Variants in GRID2 observed in about 807,000 individuals in gnomAD.
The protein encoded by GRID2 is glutamate receptor ionotropic, delta-2.
Under a neutral mutation model 114.8 loss-of-function variants are expected in GRID2, and 33 were observed. That is an observed-to-expected ratio of 0.29 (90% CI 0.22 to 0.38). The LOEUF (loss-of-function observed/expected upper bound fraction) is 0.38, where lower values mean the gene tolerates loss of function less well. Ranked by LOEUF, GRID2 falls within the 10% of genes least tolerant of loss-of-function variation. The pLI is 1.00. For missense variants in GRID2, 1,184 were observed against 1,257.7 expected, an observed-to-expected ratio of 0.94 and a Z score of 0.89; for synonymous variants, 505 against 449.9, an observed-to-expected ratio of 1.12 and a Z score of -1.55.
Position 93,598,263 on chromosome 4 carries a change from G to A in GRID2, c.2194-28006G>A, listed in dbSNP as rs1024344407. Among the ~76,000 whole-genome samples, 3 of 152,192 alleles carry A rather than the reference G, an allele frequency of 2.0e-5. 1 individual carries two copies. The highest frequency in any genetic ancestry group is 3.9e-4 in the East Asian group (2 of 5,180). ...ATTGTTATAGCTTCCATTCCACATA[G>A]GCAATCTTACAACTTCATAAAATTA... is the stretch of plus-strand genomic sequence containing the variant. On this transcript the variant is annotated intron_variant, in intron 13 of 15. Transcript: ENST00000282020.
At chr4:92,436,985 T>C (rs1732765463) in intron 1 of GRID2, among the ~76,000 whole-genome samples, 1 of 152,168 alleles carries the variant, frequency 6.6e-6, no homozygotes, top group Admixed American at 6.5e-5. Context: ...TAGCTGTAGA[T>C]TTGGCTATAA....
intron 4 of GRID2, among the ~76,000 whole-genome samples, chr4:93,137,551 A>C (rs1304662981): frequency 1.3e-5 from 2 of 152,178 alleles, no homozygotes; most frequent in Admixed American, 1.3e-4. Flanking sequence ...GTAAACAGAA[A>C]GAGGATTTCA....
At chr4:92,704,241 G>A (rs1269739604) in intron 2 of GRID2, among the ~76,000 whole-genome samples, 1 of 152,172 alleles carries the variant, frequency 6.6e-6, no homozygotes, top group Non-Finnish European at 1.5e-5. Flanking sequence ...TCGCGCCACT[G>A]CACTCCAGCC....
intron 13 of GRID2, 88 bp from the exon 14 acceptor site, chr4:93,626,181 A>G (rs1578428392): frequency 3.0e-6 from 2 of 657,422 alleles, no homozygotes; most frequent in East Asian, 5.4e-5. Context: ...TTAAATATAT[A>G]CCAATGTAAT....
At chr4:93,579,803 T>C (rs1560774103) in intron 13 of GRID2, among the ~76,000 whole-genome samples, 1 of 152,136 alleles carries the variant, frequency 6.6e-6, no homozygotes, top group Non-Finnish European at 1.5e-5. Context: ...AAGGTTTGCT[T>C]AACATTCCTC....
intron 8 of GRID2, among the ~76,000 whole-genome samples, chr4:93,285,722 T>C (rs1229825135): frequency 6.6e-6 from 1 of 152,070 alleles, no homozygotes; most frequent in African/African-American, 2.4e-5. Flanking sequence ...TTTCAAATGC[T>C]AAAATATGAA....
intron 4 of GRID2, among the ~76,000 whole-genome samples, chr4:93,198,093 G>A (rs746207001): frequency 3.1e-4 from 47 of 151,840 alleles, no homozygotes; most frequent in Admixed American, 1.6e-3. Flanking sequence ...TCTTATTTCC[G>A]CAAGCAACAT....
chr4:93,207,409 G>C lies in GRID2; in HGVS notation c.741G>C (p.Val247=). 1 of 1,597,712 alleles carries C rather than the reference G, an allele frequency of 6.3e-7. No individual in the cohort carries two copies. Residue 247 remains valine, a synonymous_variant, in exon 5 of 16, where the codon GTG becomes GTC. Transcript: ENST00000282020. ...TGATTTGTTTTCTATTCTAGGTTGT[G>C]GAGACTAATTTGGTTGCTTTTGACT... The part of the protein sequence containing the change: ...ATAKSFITEV[V]ETNLVAFDCH...
intron 4 of GRID2, among the ~76,000 whole-genome samples, chr4:93,158,985 G>A (rs1737431851): frequency 6.6e-6 from 1 of 151,342 alleles, no homozygotes; most frequent in South Asian, 2.1e-4. Flanking sequence ...AGATTCATTG[G>A]CCATTATTCT....
intron 2 of GRID2, among the ~76,000 whole-genome samples, chr4:92,590,649 C>T (rs1728667699): frequency 6.6e-6 from 1 of 152,094 alleles, no homozygotes. Flanking sequence ...GGTATTGTTA[C>T]AACTTGGGAT....
At chr4:92,608,176 C>T (rs1393543991) in intron 2 of GRID2, among the ~76,000 whole-genome samples, 2 of 151,744 alleles carry the variant, frequency 1.3e-5, no homozygotes, top group Non-Finnish European at 2.9e-5. Context: ...GAAACAGTAA[C>T]TTTTCTCTCA....
intron 2 of GRID2, among the ~76,000 whole-genome samples, chr4:92,872,346 C>G (rs891128929): frequency 6.6e-6 from 1 of 151,994 alleles, no homozygotes; most frequent in African/African-American, 2.4e-5. Context: ...CCAATTTCAT[C>G]TTAGAAAAAG....
intron 2 of GRID2, among the ~76,000 whole-genome samples, chr4:92,993,741 C>T (rs1207838092): frequency 6.6e-6 from 1 of 152,176 alleles, no homozygotes; most frequent in African/African-American, 2.4e-5. Context: ...ATTGAATTAA[C>T]TTACTTGTTC....
chr4:93,535,334 T>C (rs1451024096), intron 13 of GRID2, among the ~76,000 whole-genome samples: 1 of 151,998 alleles, frequency 6.6e-6, no homozygotes, highest in Non-Finnish European at 1.5e-5. Flanking sequence ...TCTTGGCTTT[T>C]ATAAAGAATG....
intron 10 of GRID2, among the ~76,000 whole-genome samples, chr4:93,452,377 G>A (rs1722774554): frequency 6.6e-6 from 1 of 152,094 alleles, no homozygotes; most frequent in Non-Finnish European, 1.5e-5. Context: ...AGAGTGACTG[G>A]GATATATAAA....
At chr4:92,611,105 T>A (rs1391298574) in intron 2 of GRID2, among the ~76,000 whole-genome samples, 2 of 145,130 alleles carry the variant, frequency 1.4e-5, no homozygotes, top group African/African-American at 5.2e-5. Context: ...TGTGTGTGTA[T>A]ATGTGTGTGT....
At chr4:93,720,542 C>T (rs1729274800) in intron 14 of GRID2, among the ~76,000 whole-genome samples, 2 of 152,174 alleles carry the variant, frequency 1.3e-5, no homozygotes, top group African/African-American at 4.8e-5. Context: ...ATTTTCTATA[C>T]ACCAGGTACT....
At chr4:93,590,592 A>G (rs1448974492) in intron 13 of GRID2, among the ~76,000 whole-genome samples, 1 of 152,142 alleles carries the variant, frequency 6.6e-6, no homozygotes, top group Non-Finnish European at 1.5e-5. Flanking sequence ...TTCTCTGAAG[A>G]AAGGCATTGG....
At chr4:93,285,753 A>G (rs1358926085) in intron 8 of GRID2, among the ~76,000 whole-genome samples, 1 of 152,078 alleles carries the variant, frequency 6.6e-6, no homozygotes, top group Non-Finnish European at 1.5e-5. Flanking sequence ...GTCTTTTTAA[A>G]TAAGCATTTG....
Sources: gnomAD v4.1 joint callset for allele counts (sites outside exome capture counted in the v4.1 genomes callset) on GRCh38, gnomAD v4.1.1 for gene constraint, MANE v1.5 for transcripts, NCBI Gene and HGNC (gene_info 2026-07-23, HGNC 2026-07-21) for gene names.